Variants in CROT observed in about 807,000 individuals in gnomAD.
CROT encodes the protein carnitine O-octanoyltransferase.
CROT carries 84 observed loss-of-function variants against 89.2 expected under a neutral mutation model. The observed-to-expected ratio is 0.94, with a 90% CI of 0.79 to 1.13. The LOEUF is 1.13. Among genes scored for constraint, CROT ranks in the 50% most tolerant of loss-of-function variants. The pLI is 0.00. For synonymous variants in CROT, 212 were observed against 239.5 expected (o/e 0.89, Z 1.06); for missense variants, 711 against 727.8 (o/e 0.98, Z 0.27).
intron 13 of CROT, among the ~76,000 whole-genome samples, chr7:87,385,544 T>A (rs929450064): frequency 2.6e-5 from 4 of 152,238 alleles, no homozygotes; most frequent in Non-Finnish European, 4.4e-5. Context: ...TGATTTTATA[T>A]CTTGCAACTT....
chr7:87,391,941 G>C (rs1303928685), intron 14 of CROT, among the ~76,000 whole-genome samples: 1 of 152,158 alleles, frequency 6.6e-6, no homozygotes. Context: ...TAGGCAAAGG[G>C]TCTTCAGTAC....
intron 3 of CROT, among the ~76,000 whole-genome samples, chr7:87,358,321 C>CAA (rs1174423584): frequency 2.9e-5 from 4 of 136,266 alleles, no homozygotes; most frequent in African/African-American, 1.1e-4. Context: ...ACTAAAAATA[C>CAA]AAAAAAAAAA....
intron 4 of CROT, chr7:87,359,758 G>T: frequency 1.0e-6 from 1 of 999,088 alleles, no homozygotes; most frequent in Non-Finnish European, 1.2e-6. Flanking sequence ...TTAAAAATCA[G>T]AGTGGAGAAT....
rs140842977 is a variant in CROT, at chr7:87,349,102, C to T, written c.34C>T (p.Arg12Ter). The T allele has an allele frequency of 6.7e-5, 108 of 1,605,070 alleles. No individual in the cohort carries two copies. Among genetic ancestry groups the T allele is most frequent in the Non-Finnish European group, 8.1e-5 (95 of 1,174,784 alleles). ...ENQLAKSTEE[R>*]TFQYQDSLPS... ...TCAATTGGCTAAATCAACTGAAGAA[C>T]GAACATTTCAGTACCAGGATTCTCT... Residue 12 changes from arginine to a stop codon, truncating the protein, a stop_gained, in exon 3 of 18, where the codon CGA becomes TGA. Coordinates refer to ENST00000331536, the MANE Select transcript of CROT (RefSeq NM_021151.4). LOFTEE classifies it high-confidence loss of function.
intron 3 of CROT, among the ~76,000 whole-genome samples, chr7:87,352,274 A>C (rs1352250183): frequency 6.6e-6 from 1 of 152,178 alleles, no homozygotes; most frequent in Non-Finnish European, 1.5e-5. Flanking sequence ...ATCAATGGCC[A>C]AGCTCTTATT....
At chr7:87,358,481 CAAAAAAA>C (rs11405316) in intron 3 of CROT, among the ~76,000 whole-genome samples, 1 of 95,662 alleles carries the variant, frequency 1.0e-5, no homozygotes, top group Non-Finnish European at 2.0e-5. Context: ...GACTCCATCT[CAAAAAAA>C]AAAAAAAAAA....
intron 3 of CROT, among the ~76,000 whole-genome samples, chr7:87,352,311 G>A (rs1316877047): frequency 1.3e-5 from 2 of 152,192 alleles, no homozygotes; most frequent in African/African-American, 4.8e-5. Flanking sequence ...TCAGGGTGGT[G>A]TGCTACCTGC....
intron 2 of CROT, among the ~76,000 whole-genome samples, chr7:87,347,953 G>T (rs1022489797): frequency 2.0e-5 from 3 of 152,126 alleles, no homozygotes; most frequent in African/African-American, 7.2e-5. Flanking sequence ...TAAAACTGGG[G>T]GCTGTATGCA....
At chr7:87,371,533 G>A (rs1280086797) in intron 7 of CROT, among the ~76,000 whole-genome samples, 3 of 152,044 alleles carry the variant, frequency 2.0e-5, no homozygotes, top group Admixed American at 6.6e-5. Context: ...AATATCTATG[G>A]TTTGATATTA....
At chr7:87,365,533 G>C (rs1339596520) in intron 6 of CROT, among the ~76,000 whole-genome samples, 1 of 150,936 alleles carries the variant, frequency 6.6e-6, no homozygotes, top group Non-Finnish European at 1.5e-5. Context: ...AAAATGATGT[G>C]TGTTGATGGG....
At chr7:87,359,764 A>C in intron 4 of CROT, 1 of 998,700 alleles carries the variant, frequency 1.0e-6, no homozygotes, top group Non-Finnish European at 1.2e-6. Flanking sequence ...ATCAGAGTGG[A>C]GAATGGTTAT....
chr7:87,398,501 T>G, intron 17 of CROT, 23 bp from the exon 18 acceptor site: 1 of 1,612,586 alleles, frequency 6.2e-7, no homozygotes, highest in Non-Finnish European at 8.5e-7. Context: ...GTGTAATCAT[T>G]AATCATTATT....
chr7:87,350,954 TTTTG>T (rs1214254985), intron 3 of CROT, among the ~76,000 whole-genome samples: 1 of 152,210 alleles, frequency 6.6e-6, no homozygotes, highest in African/African-American at 2.4e-5. Flanking sequence ...AAGGTGTTTT[TTTTG>T]TTTGTTTCAG....
intron 6 of CROT, among the ~76,000 whole-genome samples, chr7:87,367,223 G>A (rs1175779890): frequency 6.6e-6 from 1 of 152,184 alleles, no homozygotes; most frequent in African/African-American, 2.4e-5. Flanking sequence ...CCTTATTCAT[G>A]GAAGAGGGAG....
At chr7:87,370,994 C>T (rs1367437478) in intron 7 of CROT, among the ~76,000 whole-genome samples, 1 of 152,136 alleles carries the variant, frequency 6.6e-6, no homozygotes, top group African/African-American at 2.4e-5. Context: ...GTGTGTGTTG[C>T]AATACACAGA....
At chr7:87,387,887 G>A (rs973983550) in intron 13 of CROT, among the ~76,000 whole-genome samples, 1 of 152,218 alleles carries the variant, frequency 6.6e-6, no homozygotes, top group Non-Finnish European at 1.5e-5. Context: ...AGGAGGTAGA[G>A]GTTGCAGTGA....
At chr7:87,360,843 TG>T (rs1806243086) in intron 4 of CROT, among the ~76,000 whole-genome samples, 1 of 152,230 alleles carries the variant, frequency 6.6e-6, no homozygotes, top group Admixed American at 6.5e-5. Context: ...GGTGCTTTCT[TG>T]ATACTCGTTT....
chr7:87,391,804 T>C, intron 14 of CROT, 92 bp downstream of exon 14: 1 of 1,279,712 alleles, frequency 7.8e-7, no homozygotes, highest in Middle Eastern at 2.2e-4. Context: ...TTGCTTCAGT[T>C]TTCCTGGATC....
chr7:87,353,946 T>C (rs868330179), intron 3 of CROT, among the ~76,000 whole-genome samples: 5 of 152,334 alleles, frequency 3.3e-5, no homozygotes, highest in Middle Eastern at 6.8e-3. Flanking sequence ...GAGTTCATGG[T>C]GTGACTAAAA....
Sources: gnomAD v4.1 joint callset for allele counts (sites outside exome capture counted in the v4.1 genomes callset) on GRCh38, gnomAD v4.1.1 for gene constraint, MANE v1.5 for transcripts, NCBI Gene and HGNC (gene_info 2026-07-23, HGNC 2026-07-21) for gene names.